ARL8B: variants seen among roughly 807,000 people sequenced by gnomAD.
The protein encoded by ARL8B is ARF like GTPase 8B.
ARL8B carries 9 observed loss-of-function variants against 30.6 expected under a neutral mutation model. That is an observed-to-expected ratio of 0.29 (90% CI 0.18 to 0.51). The LOEUF is 0.51. Among genes scored for constraint, ARL8B ranks in the 20% least tolerant of loss-of-function variants. The probability of loss-of-function intolerance (pLI) is 0.97; values close to 1 mark genes in which losing one functional copy is unlikely to be tolerated. For missense variants in ARL8B, 130 were observed against 227.2 expected, an observed-to-expected ratio of 0.57 and a Z score of 2.75; for synonymous variants, 74 against 76.0, an observed-to-expected ratio of 0.97 and a Z score of 0.14.
chr3:5,176,419 C>A (rs945050170), intron 6 of ARL8B, among the ~76,000 whole-genome samples: 1 of 152,040 alleles, frequency 6.6e-6, no homozygotes, highest in Non-Finnish European at 1.5e-5. Context: ...TTAGTAGAGA[C>A]AGGGTTTCAT....
In ARL8B at chr3:5,178,650, C is replaced by T; in HGVS notation, c.512-14C>T. 6.3e-7 allele frequency: 1 copy of T among 1,592,652 alleles called. No individual in the cohort carries two copies. Among genetic ancestry groups the T allele is most frequent in the Non-Finnish European group, 8.5e-7 (1 of 1,171,076 alleles). The stretch of plus-strand genomic sequence containing the variant: ...TTTAACTTTAATGTCTTCACTTTTC[C>T]CCTCTATCTTTAGATATCACACTTC... On this transcript the variant is annotated splice_polypyrimidine_tract_variant and intron_variant, in intron 6 of 6. Coordinates refer to ENST00000256496, the MANE Select transcript of ARL8B (RefSeq NM_018184.3).
chr3:5,163,250 G>C (rs1168703649), intron 1 of ARL8B, among the ~76,000 whole-genome samples: 1 of 152,032 alleles, frequency 6.6e-6, no homozygotes, highest in South Asian at 2.1e-4. Flanking sequence ...GCCTCGAAAA[G>C]TGCTGTGATT....
chr3:5,169,889 G>A (rs1163514469), intron 1 of ARL8B, among the ~76,000 whole-genome samples: 3 of 152,168 alleles, frequency 2.0e-5, no homozygotes, highest in African/African-American at 7.2e-5. Context: ...GTTCTGTATA[G>A]GAAGTTATTT....
At chr3:5,166,772 T>A (rs1310539042) in intron 1 of ARL8B, among the ~76,000 whole-genome samples, 1 of 152,232 alleles carries the variant, frequency 6.6e-6, no homozygotes, top group Non-Finnish European at 1.5e-5. Context: ...ATTTCTGAGA[T>A]CTCTAGTAGA....
At chr3:5,135,530 C>G (rs2054317014) in intron 1 of ARL8B, among the ~76,000 whole-genome samples, 1 of 151,716 alleles carries the variant, frequency 6.6e-6, no homozygotes, top group Non-Finnish European at 1.5e-5. Flanking sequence ...GCCATCTCGG[C>G]TTACTGCAAC....
At chr3:5,156,190 C>G (rs1303408796) in intron 1 of ARL8B, among the ~76,000 whole-genome samples, 2 of 151,580 alleles carry the variant, frequency 1.3e-5, no homozygotes, top group African/African-American at 4.8e-5. Context: ...GGCGTCAGCC[C>G]CCGCACTTGG....
chr3:5,178,402 A>T (rs2054749491), intron 6 of ARL8B, among the ~76,000 whole-genome samples: 1 of 134,890 alleles, frequency 7.4e-6, no homozygotes. Flanking sequence ...GCAACACCTG[A>T]TTGATTGTGT....
chr3:5,141,820 C>G (rs1205805427), intron 1 of ARL8B, among the ~76,000 whole-genome samples: 11 of 152,144 alleles, frequency 7.2e-5, no homozygotes. Context: ...ATCTAACTGG[C>G]TAGCCATCCC....
At chr3:5,177,662 G>A (rs528710632) in intron 6 of ARL8B, among the ~76,000 whole-genome samples, 17 of 152,140 alleles carry the variant, frequency 1.1e-4, no homozygotes, top group African/African-American at 3.9e-4. Context: ...CACCATGTTG[G>A]CCAGGCTGGT....
At chr3:5,157,130 T>A (rs369656755) in intron 1 of ARL8B, 4 of 152,202 alleles carry the variant, frequency 2.6e-5, no homozygotes, top group African/African-American at 9.7e-5. Context: ...TCTAATATGA[T>A]GTTAGTTTTC....
chr3:5,143,973 A>G (rs1339715596), intron 1 of ARL8B, among the ~76,000 whole-genome samples: 2 of 152,206 alleles, frequency 1.3e-5, no homozygotes, highest in African/African-American at 4.8e-5. Flanking sequence ...CATTCAAGGC[A>G]TTTTAGTTTC....
In ARL8B at chr3:5,152,785, C is replaced by A. The variant is rs75076447; in HGVS notation, c.124-17718C>A. 3.9e-3 allele frequency among the ~76,000 whole-genome samples: 599 copies of A among 152,308 alleles called. 16 individuals carry two copies. The East Asian group carries it at 0.049, about 13-fold the overall frequency. On this transcript the variant is annotated intron_variant, in intron 1 of 6. Coordinates refer to ENST00000256496, the MANE Select transcript of ARL8B (RefSeq NM_018184.3). ...ACAGGCATGAGCCACTGTGCCTAGA[C>A]AAAATCTGGGTTTATTGAAGACAAC...
intron 1 of ARL8B, among the ~76,000 whole-genome samples, chr3:5,168,550 C>A (rs1331155101): frequency 2.0e-5 from 3 of 152,198 alleles, no homozygotes; most frequent in Non-Finnish European, 4.4e-5. Context: ...GATAAATGAA[C>A]CCCTGAGAAA....
intron 4 of ARL8B, 137 bp downstream of exon 4, chr3:5,172,877 G>A (rs1334800769): frequency 1.6e-6 from 1 of 610,270 alleles, no homozygotes; most frequent in East Asian, 3.0e-5. Flanking sequence ...TGCTTACCAT[G>A]TATCTGCCAT....
chr3:5,141,491 A>G (rs953047641), intron 1 of ARL8B, among the ~76,000 whole-genome samples: 3 of 152,178 alleles, frequency 2.0e-5, no homozygotes, highest in Non-Finnish European at 4.4e-5. Flanking sequence ...TAGTCCCCTC[A>G]CACACAAGTA....
At position 5,140,924 on chromosome 3, in the gene ARL8B, T is replaced by C. The variant is rs140363678; in HGVS notation, c.123+18336T>C. Reference sequence around the variant, plus strand: ...TTATTGGCGGTCTTGCAAGATCTGGTGTCTGGTAGGCAGTCACACCGGGGA... The same window carrying C: ...TTATTGGCGGTCTTGCAAGATCTGGCGTCTGGTAGGCAGTCACACCGGGGA... On this transcript the variant is annotated intron_variant, in intron 1 of 6. Transcript: ENST00000256496. Among the ~76,000 whole-genome samples, 781 of 152,288 alleles carry C rather than the reference T, an allele frequency of 5.1e-3. 10 individuals carry two copies. Among genetic ancestry groups the C allele is most frequent in the African/African-American group, 0.018 (730 of 41,558 alleles).
chr3:5,176,776 CTT>C (rs1156971883), intron 6 of ARL8B, among the ~76,000 whole-genome samples: 3 of 152,122 alleles, frequency 2.0e-5, no homozygotes, highest in African/African-American at 4.8e-5. Context: ...GGGGAAAACT[CTT>C]TTTAAAATTT....
At chr3:5,142,445 A>G (rs961481183) in intron 1 of ARL8B, among the ~76,000 whole-genome samples, 1 of 152,172 alleles carries the variant, frequency 6.6e-6, no homozygotes, top group Non-Finnish European at 1.5e-5. Context: ...TTGTCCTGGT[A>G]TAGAGCCAAC....
At chr3:5,161,840 C>T (rs763855623) in intron 1 of ARL8B, among the ~76,000 whole-genome samples, 5 of 152,304 alleles carry the variant, frequency 3.3e-5, no homozygotes, top group South Asian at 2.1e-4. Context: ...TTCTTGGATA[C>T]TCAATCACCT....
Sources: gnomAD v4.1 joint callset for allele counts (sites outside exome capture counted in the v4.1 genomes callset) on GRCh38, gnomAD v4.1.1 for gene constraint, MANE v1.5 for transcripts, NCBI Gene and HGNC (gene_info 2026-07-23, HGNC 2026-07-21) for gene names.